The following PXT1 variants were observed in gnomAD, a reference collection of about 807,000 sequenced individuals.
PXT1 encodes peroxisomal testis-specific protein 1.
Under a neutral mutation model 11.0 loss-of-function variants are expected in PXT1, and 11 were observed. The ratio of observed to expected loss-of-function variants is 1.00; its 90% CI spans 0.63 to 1.66. PXT1 has a LOEUF of 1.66. Ranked by LOEUF, PXT1 falls within the 40% of genes most tolerant of loss-of-function variation. The probability of loss-of-function intolerance (pLI) is 0.00; values close to 1 mark genes in which losing one functional copy is unlikely to be tolerated. For missense variants in PXT1, 141 were observed against 155.5 expected, an observed-to-expected ratio of 0.91 and a Z score of 0.49; for synonymous variants, 43 against 51.4, an observed-to-expected ratio of 0.84 and a Z score of 0.70.
At chr6:36,433,260 C>G (rs1165506062) in intron 2 of PXT1, among the ~76,000 whole-genome samples, 1 of 151,980 alleles carries the variant, frequency 6.6e-6, no homozygotes, top group Non-Finnish European at 1.5e-5. Context: ...GAAACAAGAA[C>G]AGGATGCTAA....
At chr6:36,393,406 A>G (rs1774098625) in intron 4 of PXT1, 1 of 152,688 alleles carries the variant, frequency 6.5e-6, no homozygotes, top group African/African-American at 2.4e-5. Flanking sequence ...CTCCTCCCCA[A>G]TATCCACAGC....
At chr6:36,435,204 TGAG>T (rs1774744575) in intron 2 of PXT1, among the ~76,000 whole-genome samples, 1 of 152,150 alleles carries the variant, frequency 6.6e-6, no homozygotes, top group Non-Finnish European at 1.5e-5. Context: ...TTTGGGAGGC[TGAG>T]GAGGGAAGAT....
At chr6:36,430,319 A>G (rs1049463108) in intron 2 of PXT1, among the ~76,000 whole-genome samples, 2 of 152,216 alleles carry the variant, frequency 1.3e-5, no homozygotes, top group Admixed American at 6.5e-5. Context: ...AGCTTCACAA[A>G]ATGTCCACAT....
intron 4 of PXT1, among the ~76,000 whole-genome samples, chr6:36,395,670 CA>C (rs1313634273): frequency 1.3e-5 from 2 of 151,678 alleles, no homozygotes; most frequent in Non-Finnish European, 2.9e-5. Context: ...TGGAATTTTT[CA>C]AACTATTATT....
chr6:36,436,972 T>C lies in PXT1; in HGVS notation c.-10+1795A>G, dbSNP rs577272950. Among the ~76,000 whole-genome samples the C allele has an allele frequency of 3.9e-5, 6 of 152,260 alleles. No homozygotes were observed. In the East Asian group the frequency reaches 1.2e-3, roughly 29 times the overall value. ...AAATTTTGGGGTGCAATTGTACAGT[T>C]ACATTAATGTGAGGTTATATTCAAA... On this transcript the variant is annotated intron_variant, in intron 2 of 4. Coordinates refer to ENST00000454782, the MANE Select transcript of PXT1 (RefSeq NM_152990.4).
At chr6:36,408,878 A>AG (rs1774328367) in intron 3 of PXT1, among the ~76,000 whole-genome samples, 1 of 146,198 alleles carries the variant, frequency 6.8e-6, no homozygotes, top group Admixed American at 6.8e-5. Context: ...CCATGTTTCA[A>AG]AAAAAAAAAT....
At chr6:36,391,937 T>C in intron 4 of PXT1, 63 bp from the exon 5 acceptor site, 3 of 1,037,164 alleles carry the variant, frequency 2.9e-6, no homozygotes, top group South Asian at 2.7e-5. Context: ...GATAGAATAA[T>C]CCAAAGTTAA....
chr6:36,409,969 AAAGAAAG>A (rs1460237836), intron 3 of PXT1, among the ~76,000 whole-genome samples: 4 of 131,266 alleles, frequency 3.0e-5, no homozygotes, highest in African/African-American at 1.2e-4. Context: ...GAAAGAGAAA[AAAGAAAG>A]AAAGAAAGAA....
chr6:36,397,179 C>G (rs916606463), intron 4 of PXT1, among the ~76,000 whole-genome samples: 2 of 152,194 alleles, frequency 1.3e-5, no homozygotes, highest in African/African-American at 4.8e-5. Context: ...AGGAAAAGAA[C>G]TTGGGCAAAA....
At chr6:36,392,907 G>C (rs1774089869) in intron 4 of PXT1, among the ~76,000 whole-genome samples, 1 of 151,652 alleles carries the variant, frequency 6.6e-6, no homozygotes, top group Non-Finnish European at 1.5e-5. Context: ...ACCTCACTTA[G>C]AAAAAAAGTC....
rs139407884 is a variant in PXT1 at position 36,400,640 on chromosome 6, T to A, written c.170-56A>T. On this transcript the variant is annotated intron_variant, in intron 3 of 4. Coordinates refer to ENST00000454782, the MANE Select transcript of PXT1 (RefSeq NM_152990.4). ...TAATCCCACTTAATTATCTGTAAAA[T>A]CACTTACCACTAGTTACTAAAAACT... The A allele has an allele frequency of 3.2e-5, 50 of 1,540,550 alleles. 1 individual carries two copies. In the African/African-American group the frequency reaches 6.4e-4, roughly 20 times the overall value.
chr6:36,411,518 T>TA (rs922652953), intron 3 of PXT1, among the ~76,000 whole-genome samples: 1 of 152,172 alleles, frequency 6.6e-6, no homozygotes, highest in African/African-American at 2.4e-5. Context: ...CTTGATGAGT[T>TA]ACACAGAACA....
At chr6:36,393,843 CTCTA>C (rs775916106) in intron 4 of PXT1, among the ~76,000 whole-genome samples, 9 of 152,212 alleles carry the variant, frequency 5.9e-5, no homozygotes, top group Middle Eastern at 3.4e-3. Context: ...AAGCATGTAT[CTCTA>C]TCTGATAAAC....
intron 2 of PXT1, among the ~76,000 whole-genome samples, chr6:36,429,005 G>A (rs1028779737): frequency 1.3e-5 from 2 of 151,824 alleles, no homozygotes; most frequent in Non-Finnish European, 2.9e-5. Context: ...TGTGGCTTAT[G>A]CCTGGAATCC....
At chr6:36,393,622 G>A (rs928977795) in intron 4 of PXT1, among the ~76,000 whole-genome samples, 8 of 151,910 alleles carry the variant, frequency 5.3e-5, no homozygotes, top group Admixed American at 3.9e-4. Flanking sequence ...CCAGCTACTC[G>A]GGAGGCTGAG....
At chr6:36,429,809 C>T (rs924873214) in intron 2 of PXT1, among the ~76,000 whole-genome samples, 1 of 151,328 alleles carries the variant, frequency 6.6e-6, no homozygotes, top group Non-Finnish European at 1.5e-5. Flanking sequence ...TGGGCTAAGT[C>T]TTATTATTTT....
intron 3 of PXT1, among the ~76,000 whole-genome samples, chr6:36,415,991 G>A (rs1465302016): frequency 6.6e-6 from 1 of 152,024 alleles, no homozygotes; most frequent in Non-Finnish European, 1.5e-5. Context: ...TGGTCCATCT[G>A]CTAAGAAGGA....
intron 4 of PXT1, 23 bp downstream of exon 4, chr6:36,400,431 G>A: frequency 4.3e-6 from 7 of 1,611,830 alleles, no homozygotes; most frequent in Non-Finnish European, 5.1e-6. Flanking sequence ...GACAGGCCCT[G>A]GCTGGGGAAA....
chr6:36,404,513 A>G (rs1237577607), intron 3 of PXT1, among the ~76,000 whole-genome samples: 2 of 151,792 alleles, frequency 1.3e-5, no homozygotes, highest in Non-Finnish European at 2.9e-5. Context: ...GTAGAGATGG[A>G]CTCTTGCCAT....
Sources: gnomAD v4.1 joint callset for allele counts (sites outside exome capture counted in the v4.1 genomes callset) on GRCh38, gnomAD v4.1.1 for gene constraint, MANE v1.5 for transcripts, NCBI Gene and HGNC (gene_info 2026-07-23, HGNC 2026-07-21) for gene names.